TPO: variants seen among roughly 807,000 people sequenced by gnomAD.
TPO encodes the protein thyroid microsomal antigen.
In TPO, 78 loss-of-function variants were observed where a neutral mutation model predicts 96.9. The observed-to-expected ratio is 0.81, with a 90% CI of 0.67 to 0.97. The LOEUF is 0.97. Ranked by LOEUF, TPO falls within the 50% of genes least tolerant of loss-of-function variation. The probability of loss-of-function intolerance (pLI) is 0.00; values close to 1 mark genes in which losing one functional copy is unlikely to be tolerated. For missense variants in TPO, 1,252 were observed against 1,274.8 expected (o/e 0.98, Z 0.27); for synonymous variants, 547 against 538.0 (o/e 1.02, Z -0.23).
At chr2:1,428,936 T>C (rs1664704046) in intron 3 of TPO, among the ~76,000 whole-genome samples, 1 of 152,150 alleles carries the variant, frequency 6.6e-6, no homozygotes, top group Non-Finnish European at 1.5e-5. Flanking sequence ...CTGGCATCCA[T>C]GAACTATGGC....
chr2:1,495,311 C>T (rs1404036550), intron 11 of TPO, among the ~76,000 whole-genome samples: 1 of 152,182 alleles, frequency 6.6e-6, no homozygotes, highest in East Asian at 1.9e-4. Context: ...GGGAGATGCA[C>T]ATGGGAGATG....
chr2:1,515,325 C>G (rs975514128), intron 14 of TPO, among the ~76,000 whole-genome samples: 2 of 152,178 alleles, frequency 1.3e-5, no homozygotes, highest in African/African-American at 4.8e-5. Context: ...GCTCTGCTCC[C>G]CATGGGCTTT....
At chr2:1,527,831 C>CTGTGTGCAACCTCCTAAATGCCCCCAA in intron 15 of TPO, among the ~76,000 whole-genome samples, 1 of 107,580 alleles carries the variant, frequency 9.3e-6, no homozygotes, top group Non-Finnish European at 1.8e-5. Context: ...AATCCCCATA[C>CTGTGTGCAACCTCCTAAATGCCCCCAA]TGTGTGCAAC....
Position 1,540,654 on chromosome 2 carries a change from G to A in TPO, c.2679G>A (p.Glu893=). Residue 893 remains glutamate (E), a synonymous_variant, in exon 16 of 17, where the codon GAG becomes GAA. Transcript: ENST00000329066. The part of the protein sequence containing the change: ...PISETGGGTP[E]LRCGKHQAVG... ...CGGAGACAGGCGGAGGAACTCCCGA[G>A]CTGAGATGCGGAAAGCACCAGGCCG... is the stretch of plus-strand genomic sequence containing the variant. 6.2e-7 allele frequency: 1 copy of A among 1,613,552 alleles called. No individual in the cohort carries two copies. The highest frequency in any genetic ancestry group is 1.6e-4 in the Middle Eastern group (1 of 6,062).
intron 7 of TPO, among the ~76,000 whole-genome samples, chr2:1,471,043 C>A (rs1669356194): frequency 6.6e-6 from 1 of 152,210 alleles, no homozygotes; most frequent in Admixed American, 6.5e-5. Flanking sequence ...CAGAGTTGTG[C>A]TACAGTGCTC....
chr2:1,443,800 CTGCTGCGGGAGGCACCATGTTGGAAGGG>C (rs1666464594), intron 5 of TPO, among the ~76,000 whole-genome samples: 2 of 5,854 alleles, frequency 3.4e-4, no homozygotes, highest in Non-Finnish European at 1.0e-3. Flanking sequence ...GATCCAGTCA[CTGCTGCGGGAGGCACCATGTTGGAAGGG>C]AATGGGGCAG....
intron 1 of TPO, among the ~76,000 whole-genome samples, chr2:1,392,010 T>C (rs950484447): frequency 1.3e-5 from 2 of 152,200 alleles, no homozygotes; most frequent in Admixed American, 6.5e-5. Context: ...CCTTTATTTC[T>C]TTCTCCTGCC....
At chr2:1,528,192 C>G (rs1298752336) in intron 15 of TPO, among the ~76,000 whole-genome samples, 2 of 135,170 alleles carry the variant, frequency 1.5e-5, no homozygotes, top group East Asian at 2.9e-4. Context: ...CCACATCCCC[C>G]CACTGTGTGC....
At position 1,482,525 on chromosome 2, in the gene TPO, G is replaced by T. The variant is rs548265615; in HGVS notation, c.1339-2071G>T. On this transcript the variant is annotated intron_variant, in intron 8 of 16. Transcript: ENST00000329066. ...GTGAGCAGGAGGGGCACCTGACAGC[G>T]ACGATGCCCCGGTCTCACAGTATGG... is the stretch of plus-strand genomic sequence containing the variant. Among the ~76,000 whole-genome samples the T allele has an allele frequency of 2.6e-5, 4 of 152,300 alleles. No individual in the cohort carries two copies. The East Asian group carries it at 7.7e-4, about 29-fold the overall frequency.
intron 15 of TPO, among the ~76,000 whole-genome samples, chr2:1,519,499 G>T (rs1675034242): frequency 6.6e-6 from 1 of 152,180 alleles, no homozygotes; most frequent in Non-Finnish European, 1.5e-5. Flanking sequence ...ATCTGTTTTG[G>T]AAAGAGAGTA....
At position 1,487,775 on chromosome 2, in the gene TPO, G is replaced by A. The variant is rs1018746924; in HGVS notation, c.1598-46G>A. 2.5e-6 allele frequency: 4 copies of A among 1,612,142 alleles called. No individual in the cohort carries two copies. In the Admixed American group the frequency reaches 6.7e-5, roughly 27 times the overall value. On this transcript the variant is annotated intron_variant, in intron 9 of 16. Coordinates refer to ENST00000329066, the MANE Select transcript of TPO (RefSeq NM_001206744.2). The stretch of plus-strand genomic sequence containing the variant: ...AAATTGAGATATTGTTGTTTCTCTA[G>A]AACTGAGCCAAGAGCTGTCCTTGCC...
At chr2:1,393,884 C>T (rs899314100) in intron 1 of TPO, among the ~76,000 whole-genome samples, 5 of 152,162 alleles carry the variant, frequency 3.3e-5, no homozygotes, top group Non-Finnish European at 5.9e-5. Context: ...TATAAGGACA[C>T]TATCTGAAAA....
At chr2:1,412,728 G>T (rs1161843814), upstream of TPO, among the ~76,000 whole-genome samples, 1 of 152,164 alleles carries the variant, frequency 6.6e-6, no homozygotes, top group Non-Finnish European at 1.5e-5. Context: ...ACTTCCGGGG[G>T]CATGAAGAGG....
In TPO at chr2:1,526,688, T is replaced by TCC. The variant is rs752195827; in HGVS notation, c.2618+9714_2618+9715dup. On this transcript the variant is annotated intron_variant, in intron 15 of 16. Transcript: ENST00000329066. The stretch of plus-strand genomic sequence containing the variant: ...CCAAACTGTGTTCATCCTCCCCAAA[T>TCC]CCCCCCCCCACTGTATGCAACCTCC... 2.9e-3 allele frequency among the ~76,000 whole-genome samples: 43 copies of TCC among 14,578 alleles called. 3 individuals are homozygous for TCC. The highest frequency in any genetic ancestry group is 0.023 in the South Asian group (8 of 354). 9.6% of individuals were successfully genotyped at this position (14,578 alleles called of 152,430 possible). A position where few individuals can be genotyped will look rare whatever the true frequency, so the allele number is the denominator to read the frequency against.
At chr2:1,435,034 C>T (rs916868192) in intron 4 of TPO, among the ~76,000 whole-genome samples, 9 of 152,080 alleles carry the variant, frequency 5.9e-5, no homozygotes, top group Non-Finnish European at 1.0e-4. Context: ...CCCAGGTTCA[C>T]GCCATTCTCC....
intron 15 of TPO, among the ~76,000 whole-genome samples, chr2:1,527,721 T>G (rs1231469345): frequency 3.8e-5 from 5 of 133,114 alleles, no homozygotes; most frequent in Non-Finnish European, 1.6e-5. Flanking sequence ...CGCCACTGTG[T>G]GCAACCTCAC....
chr2:1,424,617 T>G (rs138515668), intron 3 of TPO, among the ~76,000 whole-genome samples: 119 of 152,346 alleles, frequency 7.8e-4, no homozygotes, highest in African/African-American at 2.6e-3. Context: ...AGGCATCAAC[T>G]GGGGAGACTA....
At chr2:1,374,725 CTTTT>C (rs11292664) in intron 1 of TPO, among the ~76,000 whole-genome samples, 1 of 136,780 alleles carries the variant, frequency 7.3e-6, no homozygotes. Flanking sequence ...TTCTTTCTTT[CTTTT>C]TTTTTTTTTT....
At chr2:1,377,694 G>T (rs561278655) in intron 1 of TPO, among the ~76,000 whole-genome samples, 3 of 152,172 alleles carry the variant, frequency 2.0e-5, no homozygotes, top group Non-Finnish European at 2.9e-5. Context: ...GGTGAGTCAC[G>T]CTGGGAGAGT....
Sources: allele counts gnomAD v4.1 joint callset (sites outside exome capture counted in the v4.1 genomes callset), GRCh38; gene constraint gnomAD v4.1.1; transcripts MANE v1.5; gene names NCBI Gene and HGNC (gene_info 2026-07-23, HGNC 2026-07-21).